The following KBTBD12 variants were observed in gnomAD, a reference collection of about 807,000 sequenced individuals.
KBTBD12 encodes the protein kelch repeat and BTB domain-containing protein 12.
A neutral mutation model predicts 58.7 loss-of-function variants in KBTBD12; 53 were observed. That is an observed-to-expected ratio of 0.90 (90% CI 0.72 to 1.14). The LOEUF is 1.14. Among genes scored for constraint, KBTBD12 ranks in the 50% most tolerant of loss-of-function variants. The pLI is 0.00. For synonymous variants in KBTBD12, 236 were observed against 259.8 expected, an observed-to-expected ratio of 0.91 and a Z score of 0.88; for missense variants, 704 against 751.3, an observed-to-expected ratio of 0.94 and a Z score of 0.74.
chr3:127,976,431 T>G (rs1473583484), intron 5 of KBTBD12, among the ~76,000 whole-genome samples: 3 of 152,194 alleles, frequency 2.0e-5, no homozygotes, highest in African/African-American at 7.2e-5. Context: ...TTCCCCGTTT[T>G]AGAATAAAAT....
rs116642701 is a variant in KBTBD12 at position 127,970,015 on chromosome 3, C to T, written c.1690+6629C>T. ...CAACAACAAGAACATGAAAAGACAA[C>T]CCACAGGATGAGAGACAATAATTGC... On this transcript the variant is annotated intron_variant, in intron 5 of 5. Transcript: ENST00000405109. Among the ~76,000 whole-genome samples the T allele has an allele frequency of 6.2e-3, 947 of 152,122 alleles. 9 individuals carry two copies. The highest frequency in any genetic ancestry group is 0.021 in the African/African-American group (892 of 41,500).
chr3:127,962,210 C>T (rs1000410088), intron 4 of KBTBD12, among the ~76,000 whole-genome samples: 2 of 152,222 alleles, frequency 1.3e-5, no homozygotes, highest in Non-Finnish European at 2.9e-5. Context: ...GGGGGTTTAC[C>T]TCAGTCTCAG....
At chr3:127,948,316 G>C (rs1001316480) in intron 4 of KBTBD12, among the ~76,000 whole-genome samples, 5 of 146,078 alleles carry the variant, frequency 3.4e-5, no homozygotes, top group Admixed American at 6.8e-5. Flanking sequence ...GGAGTCCCTA[G>C]TTCTGTCTTT....
chr3:127,976,525 T>C (rs1016666356), intron 5 of KBTBD12, among the ~76,000 whole-genome samples: 1 of 152,262 alleles, frequency 6.6e-6, no homozygotes, highest in Non-Finnish European at 1.5e-5. Flanking sequence ...ATAACTGATA[T>C]ATGTCCATCT....
At chr3:127,924,514 T>TAAAA (rs1347088957) in intron 2 of KBTBD12, among the ~76,000 whole-genome samples, 1 of 151,942 alleles carries the variant, frequency 6.6e-6, no homozygotes, top group East Asian at 1.9e-4. Context: ...GATCCCATTT[T>TAAAA]AGTTTTCAAT....
At chr3:127,945,601 A>T (rs916436283) in intron 4 of KBTBD12, among the ~76,000 whole-genome samples, 1 of 151,414 alleles carries the variant, frequency 6.6e-6, no homozygotes, top group Non-Finnish European at 1.5e-5. Flanking sequence ...ATTTTGAGAA[A>T]GGTCTGTTTA....
chr3:127,971,319 G>A (rs1053310103), intron 5 of KBTBD12, among the ~76,000 whole-genome samples: 1 of 152,162 alleles, frequency 6.6e-6, no homozygotes, highest in Non-Finnish European at 1.5e-5. Flanking sequence ...GGGCATCTTG[G>A]TGATAATCAT....
intron 5 of KBTBD12, among the ~76,000 whole-genome samples, chr3:127,968,692 G>A (rs1036654176): frequency 3.3e-5 from 5 of 152,060 alleles, no homozygotes; most frequent in Non-Finnish European, 7.4e-5. Context: ...GTGATGGGTT[G>A]ATCCGTGCAG....
rs1331303875 is a variant in KBTBD12 at position 127,941,248 on chromosome 3, T to A, written c.1492+10965T>A. ...AGAAAAAGAAAACTACAGATCAATA[T>A]CACTCTTAAACACAAACATGCAAAT... is the stretch of plus-strand genomic sequence containing the variant. On this transcript the variant is annotated intron_variant, in intron 4 of 5. Coordinates refer to ENST00000405109, the MANE Select transcript of KBTBD12 (RefSeq NM_207335.4). Among the ~76,000 whole-genome samples, 5 of 152,112 alleles carry A rather than the reference T, an allele frequency of 3.3e-5. No homozygotes were observed. In the East Asian group the frequency reaches 7.7e-4, roughly 23 times the overall value.
chr3:127,974,473 G>C (rs907717675), intron 5 of KBTBD12, among the ~76,000 whole-genome samples: 1 of 152,102 alleles, frequency 6.6e-6, no homozygotes, highest in African/African-American at 2.4e-5. Context: ...TTGTGAACAG[G>C]TTTCTGTATG....
chr3:127,965,818 G>A (rs1465380228), intron 5 of KBTBD12, among the ~76,000 whole-genome samples: 1 of 152,098 alleles, frequency 6.6e-6, no homozygotes, highest in Non-Finnish European at 1.5e-5. Context: ...CAGGAAAATA[G>A]CAACAACAAT....
At chr3:127,957,565 C>T (rs1940343004) in intron 4 of KBTBD12, among the ~76,000 whole-genome samples, 2 of 152,022 alleles carry the variant, frequency 1.3e-5, no homozygotes, top group South Asian at 4.1e-4. Context: ...TATAATCAGC[C>T]AACTTTTAGC....
At chr3:127,960,559 G>T (rs1486605921) in intron 4 of KBTBD12, among the ~76,000 whole-genome samples, 1 of 152,200 alleles carries the variant, frequency 6.6e-6, no homozygotes, top group Non-Finnish European at 1.5e-5. Flanking sequence ...CTCATCAAAA[G>T]ATTTCTCTTG....
intron 3 of KBTBD12, among the ~76,000 whole-genome samples, chr3:127,929,173 A>C (rs1273395982): frequency 2.6e-5 from 4 of 152,218 alleles, no homozygotes; most frequent in African/African-American, 9.7e-5. Flanking sequence ...TTAATTTATA[A>C]AGTTTCTGAA....
At chr3:127,931,755 G>T (rs1298727349) in intron 4 of KBTBD12, among the ~76,000 whole-genome samples, 2 of 152,072 alleles carry the variant, frequency 1.3e-5, no homozygotes, top group Non-Finnish European at 2.9e-5. Context: ...AGATTTGAGT[G>T]GATGAAATCT....
intron 2 of KBTBD12, 138 bp downstream of exon 2, chr3:127,924,269 A>G (rs1939511361): frequency 3.6e-6 from 2 of 553,192 alleles, no homozygotes; most frequent in East Asian, 3.0e-5. Flanking sequence ...AAGGAATAGT[A>G]TACAGAACAT....
chr3:127,969,691 C>T (rs1251497511), intron 5 of KBTBD12, among the ~76,000 whole-genome samples: 1 of 152,146 alleles, frequency 6.6e-6, no homozygotes, highest in African/African-American at 2.4e-5. Context: ...TGATTTTCAA[C>T]AAGGCTGCCA....
At chr3:127,976,747 G>C (rs1449147174) in intron 5 of KBTBD12, among the ~76,000 whole-genome samples, 1 of 152,184 alleles carries the variant, frequency 6.6e-6, no homozygotes, top group Admixed American at 6.5e-5. Flanking sequence ...TCCATGTTAG[G>C]TAGTAGAGGC....
At chr3:127,944,877 T>A (rs950270285) in intron 4 of KBTBD12, among the ~76,000 whole-genome samples, 1 of 151,828 alleles carries the variant, frequency 6.6e-6, no homozygotes, top group Admixed American at 6.6e-5. Flanking sequence ...TTATTTTTTG[T>A]TATTTATTTT....
Sources: allele counts gnomAD v4.1 joint callset (sites outside exome capture counted in the v4.1 genomes callset), GRCh38; gene constraint gnomAD v4.1.1; transcripts MANE v1.5; gene names NCBI Gene and HGNC (gene_info 2026-07-23, HGNC 2026-07-21).